GPC6: variants seen among roughly 807,000 people sequenced by gnomAD.
GPC6 encodes glypican-6.
Under a neutral mutation model 55.2 loss-of-function variants are expected in GPC6, and 14 were observed. The observed-to-expected ratio is 0.25, with a 90% confidence interval of 0.17 to 0.40. GPC6 has a LOEUF of 0.40. Ranked by LOEUF, GPC6 falls within the 10% of genes least tolerant of loss-of-function variation. The probability of loss-of-function intolerance (pLI) is 1.00; values close to 1 mark genes in which losing one functional copy is unlikely to be tolerated. For missense variants in GPC6, 641 were observed against 708.5 expected (o/e 0.90, Z 1.08); for synonymous variants, 278 against 259.6 (o/e 1.07, Z -0.68).
intron 4 of GPC6, among the ~76,000 whole-genome samples, chr13:94,271,151 C>A (rs868164992): frequency 7.0e-6 from 1 of 142,090 alleles, no homozygotes. Flanking sequence ...CCACCATGCC[C>A]GGCTAATTTT....
intron 4 of GPC6, among the ~76,000 whole-genome samples, chr13:94,028,691 GA>G (rs1882999804): frequency 6.6e-6 from 1 of 152,172 alleles, no homozygotes; most frequent in Admixed American, 6.5e-5. Flanking sequence ...ACACAAGCAT[GA>G]AACAGCCTTC....
At chr13:93,595,733 C>T (rs1193101701) in intron 2 of GPC6, among the ~76,000 whole-genome samples, 1 of 152,038 alleles carries the variant, frequency 6.6e-6, no homozygotes, top group Non-Finnish European at 1.5e-5. Flanking sequence ...CCTATCTATT[C>T]ATTATTTTGT....
In GPC6 at chr13:93,747,720, T is replaced by C. The variant is rs138466288; in HGVS notation, c.320-82434T>C. ...ACCTAACTGTGGGCTAATGTAAGCA[T>C]TCTGAGCATGCTCTAGGTAGGCTAG... On this transcript the variant is annotated intron_variant, in intron 2 of 8. Transcript: ENST00000377047. Among the ~76,000 whole-genome samples the C allele has an allele frequency of 2.0e-5, 3 of 152,306 alleles. No homozygotes were observed. The East Asian group carries it at 5.8e-4, about 29-fold the overall frequency.
chr13:93,635,524 T>C (rs1879654711), intron 2 of GPC6, among the ~76,000 whole-genome samples: 1 of 152,148 alleles, frequency 6.6e-6, no homozygotes, highest in African/African-American at 2.4e-5. Flanking sequence ...AGCAAAGATT[T>C]GGATCCATAC....
chr13:93,584,637 ATGGT>A (rs1877102721), intron 2 of GPC6, among the ~76,000 whole-genome samples: 1 of 151,144 alleles, frequency 6.6e-6, no homozygotes, highest in South Asian at 2.1e-4. Context: ...AAGCTTGAAA[ATGGT>A]TATTCTAAAG....
At chr13:93,866,776 TA>T (rs1888979067) in intron 3 of GPC6, among the ~76,000 whole-genome samples, 1 of 151,710 alleles carries the variant, frequency 6.6e-6, no homozygotes, top group South Asian at 2.1e-4. Flanking sequence ...GGTACCAGGC[TA>T]AATACCTGGG....
At chr13:93,782,335 C>G (rs1253359415) in intron 2 of GPC6, among the ~76,000 whole-genome samples, 2 of 152,254 alleles carry the variant, frequency 1.3e-5, no homozygotes, top group South Asian at 4.1e-4. Flanking sequence ...TTCATCGTTA[C>G]TAGACACTTA....
chr13:93,396,517 C>A (rs2139225672), intron 1 of GPC6, among the ~76,000 whole-genome samples: 1 of 152,096 alleles, frequency 6.6e-6, no homozygotes, highest in African/African-American at 2.4e-5. Context: ...GAGCTGAGAT[C>A]ATGCCTGGGC....
chr13:93,869,851 T>G (rs963703891), intron 3 of GPC6, among the ~76,000 whole-genome samples: 1 of 151,286 alleles, frequency 6.6e-6, no homozygotes, highest in Non-Finnish European at 1.5e-5. Flanking sequence ...ATGAAAGAGA[T>G]AAGGAAATGA....
rs1375901156 is a variant in GPC6, at chr13:93,650,799, AG to A, written c.319+105379del. Among the ~76,000 whole-genome samples, 3 of 152,220 alleles carry A rather than the reference AG, an allele frequency of 2.0e-5. No homozygotes were observed. In the East Asian group the frequency reaches 5.8e-4, roughly 29 times the overall value. On this transcript the variant is annotated intron_variant, in intron 2 of 8. Transcript: ENST00000377047. ...CAGTCCAAATAATTGACTATATAAA[AG>A]ATGCACAAGTGCACCTTTGGATGAT...
At chr13:93,368,543 T>C (rs9589718) in intron 1 of GPC6, among the ~76,000 whole-genome samples, 6,079 of 152,060 alleles carry the variant, frequency 0.04, 409 homozygotes, top group African/African-American at 0.14. Flanking sequence ...TTCATTTATA[T>C]GCACCTTGGT....
At chr13:93,405,199 G>T (rs751946905) in intron 1 of GPC6, among the ~76,000 whole-genome samples, 1 of 152,166 alleles carries the variant, frequency 6.6e-6, no homozygotes, top group Non-Finnish European at 1.5e-5. Context: ...TTTTCATCTT[G>T]GGTTCTGTCC....
chr13:94,120,722 T>C (rs1216158831), intron 4 of GPC6, among the ~76,000 whole-genome samples: 2 of 152,074 alleles, frequency 1.3e-5, no homozygotes, highest in Non-Finnish European at 2.9e-5. Context: ...AAATAAAGCC[T>C]GAGGAAATTG....
At chr13:93,254,353 C>A (rs1325351319) in intron 1 of GPC6, among the ~76,000 whole-genome samples, 1 of 152,008 alleles carries the variant, frequency 6.6e-6, no homozygotes, top group Non-Finnish European at 1.5e-5. Context: ...AATGAAAGAT[C>A]CATAGATAGT....
At chr13:93,511,605 A>G (rs1232143739) in intron 1 of GPC6, among the ~76,000 whole-genome samples, 1 of 151,928 alleles carries the variant, frequency 6.6e-6, no homozygotes, top group African/African-American at 2.4e-5. Flanking sequence ...AAGTGATGTA[A>G]TGGAATACTT....
intron 3 of GPC6, among the ~76,000 whole-genome samples, chr13:94,015,635 A>G (rs1463633117): frequency 6.6e-6 from 1 of 152,136 alleles, no homozygotes; most frequent in African/African-American, 2.4e-5. Context: ...TTGCTCTTAT[A>G]TTTAGGTCAT....
chr13:93,308,241 C>T (rs1027559831), intron 1 of GPC6, among the ~76,000 whole-genome samples: 3 of 152,146 alleles, frequency 2.0e-5, no homozygotes, highest in East Asian at 1.9e-4. Flanking sequence ...GCCGAGATTG[C>T]GCTACTGCAC....
chr13:93,689,436 C>T (rs1882169929), intron 2 of GPC6, among the ~76,000 whole-genome samples: 1 of 151,842 alleles, frequency 6.6e-6, no homozygotes, highest in African/African-American at 2.4e-5. Context: ...GAGTGCAAAA[C>T]AAGGAGTATC....
At chr13:93,645,224 G>T (rs1390135552) in intron 2 of GPC6, among the ~76,000 whole-genome samples, 2 of 149,674 alleles carry the variant, frequency 1.3e-5, no homozygotes, top group East Asian at 3.9e-4. Flanking sequence ...TACCTTATAA[G>T]TAAAATGCAA....
Sources: gnomAD v4.1 joint callset for allele counts (sites outside exome capture counted in the v4.1 genomes callset) on GRCh38, gnomAD v4.1.1 for gene constraint, MANE v1.5 for transcripts, NCBI Gene and HGNC (gene_info 2026-07-23, HGNC 2026-07-21) for gene names.